Variants in TMEM91 observed in about 807,000 individuals in gnomAD.
TMEM91 encodes the protein transmembrane protein 91.
Under a neutral mutation model 13.3 loss-of-function variants are expected in TMEM91, and 6 were observed. That is an observed-to-expected ratio of 0.45 (90% confidence interval 0.25 to 0.89). The LOEUF (loss-of-function observed/expected upper bound fraction) is 0.89, where lower values mean the gene tolerates loss of function less well. TMEM91 is among the 40% of genes least tolerant of loss of function. The pLI is 0.19. For synonymous variants in TMEM91, 87 were observed against 101.7 expected (o/e 0.86, Z 0.87); for missense variants, 193 against 228.7 (o/e 0.84, Z 1.01).
intron 1 of TMEM91, 58 bp from the exon 2 acceptor site, chr19:41,378,223 C>T (rs2038773411): frequency 1.5e-6 from 2 of 1,350,186 alleles, no homozygotes; most frequent in Non-Finnish European, 2.1e-6. Flanking sequence ...AGCAAGGGGT[C>T]AGAGGTTGAG....
chr19:41,365,349 A>G (rs1025497), intron 1 of TMEM91, among the ~76,000 whole-genome samples: 90,190 of 151,998 alleles, frequency 0.59, 27,094 homozygotes, highest in African/African-American at 0.61. Context: ...GAAGTATTCC[A>G]TTGAATTGTT....
chr19:41,383,447 A>T, intron 3 of TMEM91: 1 of 1,205,788 alleles, frequency 8.3e-7, no homozygotes, highest in Non-Finnish European at 1.1e-6. Flanking sequence ...GGTCAATGTG[A>T]GAATCAAATG....
At position 41,378,383 on chromosome 19, in the gene TMEM91, A is replaced by G; in HGVS notation, c.74A>G (p.Lys25Arg). 6.2e-7 allele frequency: 1 copy of G among 1,614,216 alleles called. No homozygotes were observed. Among genetic ancestry groups the G allele is most frequent in the Non-Finnish European group, 8.5e-7 (1 of 1,180,030 alleles). ...ACAGAATGTGAGACCCCTGCCCAGA[A>G]GCCTGGCAGGCATGAGCTGGGGTCC... ...EGTECETPAQKPGRHELGSPL... is the reference protein window; with the variant it reads ...EGTECETPAQRPGRHELGSPL... The change falls in exon 2 of 4, where the codon AAG becomes AGG. Residue 25 changes from lysine (K) to arginine (R), a missense_variant. Lys to Arg is a conservative substitution (Grantham distance 26). Coordinates refer to ENST00000392002, the MANE Select transcript of TMEM91 (RefSeq NM_001098821.2).
intron 1 of TMEM91, among the ~76,000 whole-genome samples, chr19:41,365,606 T>C (rs1364321953): frequency 6.6e-6 from 1 of 151,668 alleles, no homozygotes; most frequent in Admixed American, 6.6e-5. Flanking sequence ...GTTTTCACCA[T>C]ATTGGCCAGA....
intron 2 of TMEM91, 34 bp downstream of exon 2, chr19:41,378,553 G>A: frequency 6.2e-7 from 1 of 1,611,038 alleles, no homozygotes. Context: ...GAAGGCACGG[G>A]AGGGGGCTGG....
At chr19:41,368,010 T>C (rs2038555640) in intron 1 of TMEM91, among the ~76,000 whole-genome samples, 1 of 152,096 alleles carries the variant, frequency 6.6e-6, no homozygotes, top group Admixed American at 6.6e-5. Flanking sequence ...AAGCAGAAGT[T>C]GTAACTGCAT....
chr19:41,372,660 C>G (rs1442517968), upstream of TMEM91, among the ~76,000 whole-genome samples: 1 of 152,118 alleles, frequency 6.6e-6, no homozygotes, highest in Non-Finnish European at 1.5e-5. Context: ...GGCAGGAAAA[C>G]CAAAGAAATG....
chr19:41,364,153 G>A (rs2038470515), intron 1 of TMEM91: 1 of 163,446 alleles, frequency 6.1e-6, no homozygotes, highest in Non-Finnish European at 1.4e-5. Context: ...TGTTGCTGGG[G>A]CAACAGCAGG....
upstream of TMEM91, among the ~76,000 whole-genome samples, chr19:41,371,821 A>G (rs1383871592): frequency 1.3e-5 from 2 of 152,104 alleles, no homozygotes. Flanking sequence ...TTCACTTAGC[A>G]TAGTGTCCTC....
intron 1 of TMEM91, among the ~76,000 whole-genome samples, chr19:41,370,595 C>T (rs2038599845): frequency 1.3e-5 from 2 of 151,766 alleles, no homozygotes; most frequent in Admixed American, 6.6e-5. Context: ...TTAGTAGAGA[C>T]GGGGTTTCAC....
At chr19:41,366,732 T>G (rs1012132006) in intron 1 of TMEM91, among the ~76,000 whole-genome samples, 1 of 152,062 alleles carries the variant, frequency 6.6e-6, no homozygotes, top group Non-Finnish European at 1.5e-5. Context: ...GTGCTGAGAT[T>G]ACAGGCATGA....
At chr19:41,375,860 G>T (rs1167127250), upstream of TMEM91, among the ~76,000 whole-genome samples, 2 of 150,680 alleles carry the variant, frequency 1.3e-5, no homozygotes, top group Non-Finnish European at 2.9e-5. Context: ...GGTGGCTCAC[G>T]CCTGTAATCC....
intron 1 of TMEM91, among the ~76,000 whole-genome samples, chr19:41,370,062 A>T (rs1009369957): frequency 2.6e-5 from 4 of 151,728 alleles, no homozygotes; most frequent in African/African-American, 4.8e-5. Flanking sequence ...CTTTCAATGT[A>T]TTTATTTTAC....
chr19:41,375,504 T>C (rs1316637770), upstream of TMEM91, among the ~76,000 whole-genome samples: 1 of 151,060 alleles, frequency 6.6e-6, no homozygotes, highest in Non-Finnish European at 1.5e-5. Context: ...GGTCTGGATC[T>C]CCTGACCTCG....
At chr19:41,383,069 A>AT (rs1055439044) in intron 3 of TMEM91, 148 bp downstream of exon 3, 29 of 1,206,304 alleles carry the variant, frequency 2.4e-5, no homozygotes, top group Non-Finnish European at 2.7e-5. Context: ...TCTCTGCAAG[A>AT]TTTTTTTTGA....
chr19:41,369,392 G>A lies in TMEM91; in HGVS notation c.-30+5297G>A, dbSNP rs1048429749. Among the ~76,000 whole-genome samples, 8 of 151,780 alleles carry A rather than the reference G, an allele frequency of 5.3e-5. 1 individual carries two copies. On this transcript the variant is annotated intron_variant, in intron 1 of 3. Transcript: ENST00000413014. ...ATGTATGGCCGCGCCTGGCCATCCC[G>A]GCTACTTTGGAGGCTGAAGCCGGAG...
At chr19:41,374,225 G>A (rs201732278), upstream of TMEM91, 3 of 152,294 alleles carry the variant, frequency 2.0e-5, no homozygotes, top group East Asian at 5.8e-4. Context: ...GAGCCCTGGA[G>A]CCCTGGAGCG....
chr19:41,383,787 G>T lies in TMEM91; in HGVS notation c.433G>T (p.Val145Phe). ...CTCCCGCCGTGCCTTCCTGCTGGGG[G>T]TCCTCGCCGTCGGGCTGGGCGTGTG... is the stretch of plus-strand genomic sequence containing the variant. ...AASRRAFLLGVLAVGLGVCTY... is the reference protein window; with the variant it reads ...AASRRAFLLGFLAVGLGVCTY... Residue 145 changes from valine (V) to phenylalanine (F), a missense_variant, in exon 4 of 4, where the codon GTC becomes TTC. Transcript: ENST00000392002. 1 of 1,610,626 alleles carries T rather than the reference G, an allele frequency of 6.2e-7. No individual in the cohort carries two copies. The highest frequency in any genetic ancestry group is 8.5e-7 in the Non-Finnish European group (1 of 1,178,082).
intron 1 of TMEM91, among the ~76,000 whole-genome samples, chr19:41,368,248 C>G (rs552144132): frequency 6.6e-6 from 1 of 151,440 alleles, no homozygotes; most frequent in African/African-American, 2.4e-5. Flanking sequence ...CTCATTTCTA[C>G]GAAAACGTTT....
Sources: gnomAD v4.1 joint callset for allele counts (sites outside exome capture counted in the v4.1 genomes callset) on GRCh38, gnomAD v4.1.1 for gene constraint, MANE v1.5 for transcripts, NCBI Gene and HGNC (gene_info 2026-07-23, HGNC 2026-07-21) for gene names.